The following ARK2C variants were observed in gnomAD, a reference collection of about 807,000 sequenced individuals.
ARK2C encodes E3 ubiquitin-protein ligase ARK2C.
At chr18:46,440,786 T>G in the ARK2C span, among the ~76,000 whole-genome samples, 29 of 152,330 alleles carry the variant, frequency 1.9e-4, no homozygotes, top group African/African-American at 7.0e-4. Flanking sequence ...AATCTACATG[T>G]TCCTGGATTC....
At chr18:46,445,214 C>G in the ARK2C span, among the ~76,000 whole-genome samples, 3 of 152,122 alleles carry the variant, frequency 2.0e-5, no homozygotes, top group Non-Finnish European at 4.4e-5. Flanking sequence ...GGAGCACTTG[C>G]AGTTCAGTTT....
chr18:46,410,552 A>G, the ARK2C span, among the ~76,000 whole-genome samples: 1 of 152,204 alleles, frequency 6.6e-6, no homozygotes, highest in African/African-American at 2.4e-5. Flanking sequence ...CCTTCTGACA[A>G]TTGCTGTCAA....
At chr18:46,432,974 T>C in the ARK2C span, among the ~76,000 whole-genome samples, 103 of 152,070 alleles carry the variant, frequency 6.8e-4, 2 homozygotes, top group Non-Finnish European at 6.5e-4. Context: ...AAATAAAAAA[T>C]AAAGATAACA....
chr18:46,354,182 A>C, the ARK2C span, among the ~76,000 whole-genome samples: 1 of 152,214 alleles, frequency 6.6e-6, no homozygotes. Flanking sequence ...GGCCCAGGGA[A>C]GGGCATGTAT....
chr18:46,415,568 G>C, the ARK2C span, among the ~76,000 whole-genome samples: 1 of 151,838 alleles, frequency 6.6e-6, no homozygotes, highest in Non-Finnish European at 1.5e-5. Flanking sequence ...AAATAAAAAA[G>C]TTGCTGAAGG....
At chr18:46,432,947 AAAAT>A in the ARK2C span, among the ~76,000 whole-genome samples, 66 of 151,008 alleles carry the variant, frequency 4.4e-4, no homozygotes, top group African/African-American at 1.6e-3. Context: ...TCCGTCTCAA[AAAAT>A]AAATAAATAA....
At chr18:46,354,475 G>A in the ARK2C span, among the ~76,000 whole-genome samples, 456 of 152,360 alleles carry the variant, frequency 3.0e-3, 3 homozygotes, top group African/African-American at 0.01. Context: ...AAACCCAGTA[G>A]TGCTGCTGAC....
the ARK2C span, among the ~76,000 whole-genome samples, chr18:46,368,355 AC>A: frequency 6.6e-6 from 1 of 151,946 alleles, no homozygotes; most frequent in East Asian, 1.9e-4. Context: ...TTCTGCCTCC[AC>A]CCCCTGCTCA....
the ARK2C span, among the ~76,000 whole-genome samples, chr18:46,388,855 T>C: frequency 3.9e-5 from 6 of 152,232 alleles, no homozygotes; most frequent in Admixed American, 1.3e-4. Context: ...CACACCCCAC[T>C]TAGGGGCAGT....
chr18:46,414,819 G>A, the ARK2C span, among the ~76,000 whole-genome samples: 6 of 152,306 alleles, frequency 3.9e-5, no homozygotes, highest in South Asian at 1.2e-3. Flanking sequence ...CATATGAGTG[G>A]CCGTGTTAGA....
chr18:46,414,066 C>T, the ARK2C span, among the ~76,000 whole-genome samples: 1 of 152,186 alleles, frequency 6.6e-6, no homozygotes, highest in African/African-American at 2.4e-5. Context: ...TTCAAGGCAC[C>T]ATCCCCCAGC....
chr18:46,407,599 C>T, the ARK2C span, among the ~76,000 whole-genome samples: 1 of 152,128 alleles, frequency 6.6e-6, no homozygotes, highest in African/African-American at 2.4e-5. Context: ...GGAGGCTAAT[C>T]CCTTCTAATG....
chr18:46,421,150 A>C, the ARK2C span, among the ~76,000 whole-genome samples: 1 of 152,216 alleles, frequency 6.6e-6, no homozygotes, highest in East Asian at 1.9e-4. Flanking sequence ...TGGACCTGCA[A>C]CTGGGCCCCT....
the ARK2C span, among the ~76,000 whole-genome samples, chr18:46,409,352 G>C: frequency 6.6e-6 from 1 of 152,202 alleles, no homozygotes; most frequent in Non-Finnish European, 1.5e-5. Flanking sequence ...CTGAGAAAGA[G>C]GGAAGGAATG....
At chr18:46,340,908 A>G in the ARK2C span, among the ~76,000 whole-genome samples, 1 of 152,306 alleles carries the variant, frequency 6.6e-6, no homozygotes, top group South Asian at 2.1e-4. Flanking sequence ...GTGTGTATAC[A>G]GGAGGGAGGA....
the ARK2C span, chr18:46,336,852 A>T: frequency 1.0e-6 from 1 of 985,414 alleles, no homozygotes; most frequent in African/African-American, 1.7e-5. Flanking sequence ...GATTGCACTT[A>T]GTTGGAGGCA....
the ARK2C span, chr18:46,457,437 G>T: frequency 6.5e-6 from 1 of 153,458 alleles, no homozygotes. Context: ...GGAGCTGATG[G>T]GGTCTTATCC....
chr18:46,403,566 T>C, the ARK2C span, among the ~76,000 whole-genome samples: 1 of 152,332 alleles, frequency 6.6e-6, no homozygotes, highest in Non-Finnish European at 1.5e-5. Context: ...CCGTATGCAA[T>C]GTGTCAGATG....
At chr18:46,405,576 A>T in the ARK2C span, among the ~76,000 whole-genome samples, 1 of 152,142 alleles carries the variant, frequency 6.6e-6, no homozygotes, top group Non-Finnish European at 1.5e-5. Flanking sequence ...GAGACAGCGC[A>T]AGAGGAAAAA....
Sources: allele counts gnomAD v4.1 joint callset (sites outside exome capture counted in the v4.1 genomes callset), GRCh38; gene constraint gnomAD v4.1.1; transcripts MANE v1.5; gene names NCBI Gene and HGNC (gene_info 2026-07-23, HGNC 2026-07-21).